BMERB1: variants seen among roughly 807,000 people sequenced by gnomAD.
The protein encoded by BMERB1 is bMERB domain containing 1, also known as bMERB domain-containing protein 1.
Under a neutral mutation model 23.6 loss-of-function variants are expected in BMERB1, and 12 were observed. The observed-to-expected ratio is 0.51, with a 90% CI of 0.33 to 0.82. The LOEUF (loss-of-function observed/expected upper bound fraction) is 0.82. Among genes scored for constraint, BMERB1 ranks in the 40% least tolerant of loss-of-function variants. The pLI is 0.03. For missense variants in BMERB1, 247 were observed against 255.4 expected (o/e 0.97, Z 0.22); for synonymous variants, 122 against 96.6 (o/e 1.26, Z -1.54).
chr16:15,561,256 ATTTTTTTT>A (rs35139646), intron 2 of BMERB1, among the ~76,000 whole-genome samples: 5 of 42,240 alleles, frequency 1.2e-4, no homozygotes, highest in South Asian at 1.1e-3. Flanking sequence ...CACGCCGGCC[ATTTTTTTT>A]TTTTTTTTTT....
At chr16:15,460,069 G>C (rs1337706393) in intron 1 of BMERB1, among the ~76,000 whole-genome samples, 1 of 152,114 alleles carries the variant, frequency 6.6e-6, no homozygotes, top group Non-Finnish European at 1.5e-5. Flanking sequence ...CAGTTCTACT[G>C]TTGGATGGAA....
At chr16:15,495,797 G>T (rs2051466889) in intron 1 of BMERB1, among the ~76,000 whole-genome samples, 1 of 152,220 alleles carries the variant, frequency 6.6e-6, no homozygotes, top group Admixed American at 6.5e-5. Context: ...GAATGGGATG[G>T]TGTATGAGGT....
intron 3 of BMERB1, among the ~76,000 whole-genome samples, chr16:15,580,549 C>CTTT (rs35826126): frequency 2.2e-5 from 3 of 138,702 alleles, no homozygotes; most frequent in Admixed American, 7.2e-5. Flanking sequence ...AGCTCAAGTG[C>CTTT]TTTTTTTTTT....
chr16:15,470,258 G>A (rs1044570468), intron 1 of BMERB1, among the ~76,000 whole-genome samples: 3 of 151,936 alleles, frequency 2.0e-5, no homozygotes, highest in Non-Finnish European at 2.9e-5. Flanking sequence ...TTTTTACCTT[G>A]TTAATATAGT....
chr16:15,586,869 C>CCA lies in BMERB1; in HGVS notation c.*40_*41insCA, dbSNP rs1555515999. 1.0e-5 allele frequency: 13 copies of CCA among 1,302,288 alleles called. No homozygotes were observed. The African/African-American group carries it at 1.3e-4, about 13-fold the overall frequency. The allele number at this position is 1,302,288 out of a possible 1,614,324, so 80.7% of individuals were successfully genotyped here. A position where few individuals can be genotyped will look rare whatever the true frequency, so the allele number is the denominator to read the frequency against. On this transcript the variant is annotated 3_prime_UTR_variant, in exon 6 of 6. Coordinates refer to ENST00000300006, the MANE Select transcript of BMERB1 (RefSeq NM_033201.3). The stretch of plus-strand genomic sequence containing the variant: ...GCCCTGGGCCATGGGGACCCCCCCC[C>CCA]ACCCTCTTGTCTTTATAGCCCCCAT...
chr16:15,452,769 C>T (rs753774683), intron 1 of BMERB1, among the ~76,000 whole-genome samples: 6 of 152,228 alleles, frequency 3.9e-5, no homozygotes, highest in South Asian at 2.1e-4. Context: ...CCAAACACAG[C>T]GAGAACTTAG....
intron 2 of BMERB1, among the ~76,000 whole-genome samples, chr16:15,553,102 G>A (rs2030143062): frequency 6.6e-6 from 1 of 152,150 alleles, no homozygotes; most frequent in Admixed American, 6.5e-5. Context: ...CCATCTCCCA[G>A]GTTCAAGCAA....
chr16:15,526,663 CA>C (rs57236824), intron 2 of BMERB1, among the ~76,000 whole-genome samples: 1,653 of 50,822 alleles, frequency 0.033, 15 homozygotes, highest in African/African-American at 0.092. Flanking sequence ...GACTGCATCT[CA>C]AAAAAAAAAA....
intron 1 of BMERB1, among the ~76,000 whole-genome samples, chr16:15,451,552 C>CTTTTTTTTTT (rs35544766): frequency 1.5e-4 from 13 of 84,014 alleles, no homozygotes; most frequent in South Asian, 4.3e-4. Flanking sequence ...CTTAGTATTT[C>CTTTTTTTTTT]TTTTTTTTTT....
intron 1 of BMERB1, among the ~76,000 whole-genome samples, chr16:15,440,419 G>A (rs533006537): frequency 2.0e-5 from 3 of 152,152 alleles, no homozygotes; most frequent in South Asian, 2.1e-4. Context: ...CAAGCAGATC[G>A]TAAAACTGGC....
At chr16:15,475,463 C>A (rs2051267303) in intron 1 of BMERB1, among the ~76,000 whole-genome samples, 1 of 152,168 alleles carries the variant, frequency 6.6e-6, no homozygotes, top group African/African-American at 2.4e-5. Context: ...CAGTTTATTA[C>A]AGGGAAAGAG....
intron 1 of BMERB1, among the ~76,000 whole-genome samples, chr16:15,500,063 C>A (rs1004512550): frequency 6.6e-6 from 1 of 152,174 alleles, no homozygotes; most frequent in Non-Finnish European, 1.5e-5. Flanking sequence ...TGGCTCTTTG[C>A]AACTTATCAC....
chr16:15,553,083 C>T (rs546598098), intron 2 of BMERB1, among the ~76,000 whole-genome samples: 1 of 152,306 alleles, frequency 6.6e-6, no homozygotes, highest in South Asian at 2.1e-4. Flanking sequence ...TCTCAGCTCA[C>T]TGAAACCTCC....
intron 1 of BMERB1, among the ~76,000 whole-genome samples, chr16:15,493,593 T>TC (rs1412543760): frequency 6.6e-6 from 1 of 151,994 alleles, no homozygotes; most frequent in Non-Finnish European, 1.5e-5. Context: ...CTTCCTTCCT[T>TC]CTTCTGCCAT....
chr16:15,585,255 A>T (rs2031113307), intron 5 of BMERB1, among the ~76,000 whole-genome samples: 1 of 152,226 alleles, frequency 6.6e-6, no homozygotes, highest in Admixed American at 6.5e-5. Flanking sequence ...GGAGCAAGGA[A>T]ACTTGCCTTC....
At chr16:15,557,210 C>T (rs144519820) in intron 2 of BMERB1, among the ~76,000 whole-genome samples, 23 of 152,170 alleles carry the variant, frequency 1.5e-4, no homozygotes, top group African/African-American at 5.5e-4. Flanking sequence ...TGCTGAATGA[C>T]ACGGGTTGGC....
Position 15,485,702 on chromosome 16 carries a change from T to C in BMERB1, c.107-29603T>C, listed in dbSNP as rs574526363. On this transcript the variant is annotated intron_variant, in intron 1 of 5. Coordinates refer to ENST00000300006, the MANE Select transcript of BMERB1 (RefSeq NM_033201.3). ...TGGGGAAAGACATTTGTGGGTTTTTTCCCCCCCAGGCCAAAAAAAAAAAGC... is the reference window on the plus strand; with the variant it reads ...TGGGGAAAGACATTTGTGGGTTTTTCCCCCCCCAGGCCAAAAAAAAAAAGC... Among the ~76,000 whole-genome samples the C allele has an allele frequency of 3.0e-3, 430 of 144,594 alleles. 1 individual carries two copies. Among genetic ancestry groups the C allele is most frequent in the Non-Finnish European group, 4.6e-3 (306 of 65,978 alleles). 94.9% of individuals were successfully genotyped at this position (144,594 alleles called of 152,430 possible).
intron 1 of BMERB1, among the ~76,000 whole-genome samples, chr16:15,473,359 C>T (rs905519008): frequency 6.6e-6 from 1 of 150,920 alleles, no homozygotes. Context: ...GGTGCCACCT[C>T]AGCTCACTGC....
intron 2 of BMERB1, among the ~76,000 whole-genome samples, chr16:15,565,138 A>G (rs899052606): frequency 6.6e-6 from 1 of 151,980 alleles, no homozygotes; most frequent in African/African-American, 2.4e-5. Context: ...TGGTATACAG[A>G]TGGCACTGCT....
Sources: allele counts gnomAD v4.1 joint callset (sites outside exome capture counted in the v4.1 genomes callset), GRCh38; gene constraint gnomAD v4.1.1; transcripts MANE v1.5; gene names NCBI Gene and HGNC (gene_info 2026-07-23, HGNC 2026-07-21).